Variants in FOXO1 observed in about 807,000 individuals in gnomAD.
The protein encoded by FOXO1 is forkhead box O1, also known as forkhead box protein O1.
Under a neutral mutation model 44.1 loss-of-function variants are expected in FOXO1, and 6 were observed. The observed-to-expected ratio is 0.14, with a 90% CI of 0.07 to 0.27. FOXO1 has a LOEUF of 0.27. Among genes scored for constraint, FOXO1 ranks in the 10% least tolerant of loss-of-function variants. FOXO1 has a pLI of 1.00. For missense variants in FOXO1, 737 were observed against 888.8 expected (o/e 0.83, Z 2.17); for synonymous variants, 380 against 362.7 (o/e 1.05, Z -0.54).
chr13:40,613,556 G>C, intron 1 of FOXO1, among the ~76,000 whole-genome samples: 1 of 152,146 alleles, frequency 6.6e-6, no homozygotes, highest in East Asian at 1.9e-4. Flanking sequence ...TGTTAATCTA[G>C]ATGGTAGTTT....
intron 1 of FOXO1, among the ~76,000 whole-genome samples, chr13:40,624,130 C>G (rs1017726628): frequency 6.6e-6 from 1 of 151,152 alleles, no homozygotes; most frequent in Non-Finnish European, 1.5e-5. Context: ...ATAAAAGACT[C>G]CTAATCTCTG....
chr13:40,579,915 T>C (rs981625386), intron 1 of FOXO1, among the ~76,000 whole-genome samples: 14 of 152,224 alleles, frequency 9.2e-5, no homozygotes, highest in African/African-American at 2.7e-4. Flanking sequence ...CTGAAACCTA[T>C]TGCACACTAT....
At chr13:40,568,859 G>T (rs1874371840) in intron 1 of FOXO1, among the ~76,000 whole-genome samples, 1 of 150,552 alleles carries the variant, frequency 6.6e-6, no homozygotes, top group South Asian at 2.1e-4. Context: ...AGGTCATCTG[G>T]TCTAACGCTC....
chr13:40,650,281 G>A (rs1437684816), intron 1 of FOXO1, among the ~76,000 whole-genome samples: 1 of 152,118 alleles, frequency 6.6e-6, no homozygotes, highest in Admixed American at 6.6e-5. Flanking sequence ...GTTTTAGCTG[G>A]CTTCTTTACT....
chr13:40,612,320 G>C (rs901092750), intron 1 of FOXO1, among the ~76,000 whole-genome samples: 1 of 152,090 alleles, frequency 6.6e-6, no homozygotes, highest in Non-Finnish European at 1.5e-5. Flanking sequence ...AAGCTCAAAT[G>C]GACAGAGCAC....
chr13:40,620,292 T>G lies in FOXO1; in HGVS notation c.630+45291A>C, dbSNP rs1165216009. The stretch of plus-strand genomic sequence containing the variant: ...AGGACAGTATTGCAAACAGAACTCA[T>G]CCAGAGTAGGGCTAACAGAACATAC... On this transcript the variant is annotated intron_variant, in intron 1 of 2. Coordinates refer to ENST00000379561, the MANE Select transcript of FOXO1 (RefSeq NM_002015.4). The G allele has an allele frequency of 2.9e-6, 3 of 1,052,082 alleles. No individual in the cohort carries two copies. The African/African-American group carries it at 4.7e-5, about 16-fold the overall frequency. 65.2% of individuals were successfully genotyped at this position (1,052,082 alleles called of 1,614,324 possible).
At position 40,558,747 on chromosome 13, in the gene FOXO1, A is replaced by C. The variant is rs1873855806; in HGVS notation, c.*302T>G. 2 of 398,634 alleles carry C rather than the reference A, an allele frequency of 5.0e-6. No individual in the cohort carries two copies. The highest frequency in any genetic ancestry group is 8.9e-6 in the Non-Finnish European group (2 of 225,918). 24.7% of individuals were successfully genotyped at this position (398,634 alleles called of 1,614,324 possible). On this transcript the variant is annotated 3_prime_UTR_variant, in exon 3 of 3. Coordinates refer to ENST00000379561, the MANE Select transcript of FOXO1 (RefSeq NM_002015.4). ...ACTTGAAAGCACACCAGGATCTGAA[A>C]ATCTTTTCTGCAATTATATGGTGTA...
chr13:40,632,835 C>T (rs904779162), intron 1 of FOXO1, among the ~76,000 whole-genome samples: 3 of 148,008 alleles, frequency 2.0e-5, no homozygotes, highest in Non-Finnish European at 3.0e-5. Flanking sequence ...ATCCCAGCTA[C>T]TTGGGAGGCT....
intron 1 of FOXO1, among the ~76,000 whole-genome samples, chr13:40,665,110 G>A (rs1006323294): frequency 2.6e-5 from 4 of 151,180 alleles, no homozygotes; most frequent in African/African-American, 9.7e-5. Flanking sequence ...TCCCGGGGCA[G>A]CGAGGCTCCG....
At chr13:40,561,881 A>G (rs1874037768) in intron 1 of FOXO1, among the ~76,000 whole-genome samples, 2 of 149,280 alleles carry the variant, frequency 1.3e-5, no homozygotes, top group African/African-American at 5.0e-5. Context: ...AGGCAGGAGA[A>G]GGAGACTGCG....
intron 1 of FOXO1, among the ~76,000 whole-genome samples, chr13:40,646,899 T>G (rs946324307): frequency 1.3e-5 from 2 of 152,076 alleles, no homozygotes; most frequent in African/African-American, 4.8e-5. Flanking sequence ...CGGCCTGAAC[T>G]TCGTAACAAT....
intron 1 of FOXO1, among the ~76,000 whole-genome samples, chr13:40,628,716 G>GT (rs1217204434): frequency 6.6e-6 from 1 of 152,158 alleles, no homozygotes; most frequent in Non-Finnish European, 1.5e-5. Flanking sequence ...CTGGTGGGAG[G>GT]TAACAATGGT....
chr13:40,619,012 C>T, intron 1 of FOXO1: 1 of 505,724 alleles, frequency 2.0e-6, no homozygotes, highest in South Asian at 1.5e-5. Flanking sequence ...ACTGGCCGGA[C>T]ACCGTGACTC....
chr13:40,661,588 C>T (rs574611614), intron 1 of FOXO1, among the ~76,000 whole-genome samples: 8 of 151,884 alleles, frequency 5.3e-5, no homozygotes, highest in Non-Finnish European at 1.0e-4. Context: ...TGCGCCACCA[C>T]GCCCAGCCTA....
chr13:40,656,956 G>A (rs9532576), intron 1 of FOXO1, among the ~76,000 whole-genome samples: 25,714 of 151,450 alleles, frequency 0.17, 2,519 homozygotes, highest in South Asian at 0.29. Flanking sequence ...TCAGCCTCCC[G>A]AGTAGCTGTG....
chr13:40,645,052 A>G (rs969002284), intron 1 of FOXO1, among the ~76,000 whole-genome samples: 1 of 152,232 alleles, frequency 6.6e-6, no homozygotes, highest in African/African-American at 2.4e-5. Context: ...AGCTGGTGAC[A>G]TGCACATCTA....
intron 1 of FOXO1, among the ~76,000 whole-genome samples, chr13:40,570,167 G>A (rs1029734096): frequency 6.6e-6 from 1 of 151,988 alleles, no homozygotes; most frequent in East Asian, 2.0e-4. Context: ...AAAATTGGCC[G>A]GGTGTGGTGG....
intron 1 of FOXO1, among the ~76,000 whole-genome samples, chr13:40,595,151 AG>A (rs1470051986): frequency 6.6e-6 from 1 of 152,214 alleles, no homozygotes; most frequent in Non-Finnish European, 1.5e-5. Context: ...AGCGATTAGG[AG>A]GTTTAATAAG....
intron 1 of FOXO1, among the ~76,000 whole-genome samples, chr13:40,647,974 T>TC (rs1877563275): frequency 6.6e-6 from 1 of 152,206 alleles, no homozygotes; most frequent in Non-Finnish European, 1.5e-5. Context: ...CTTTGTCTTT[T>TC]CCCCTTTATC....
Sources: gnomAD v4.1 joint callset for allele counts (sites outside exome capture counted in the v4.1 genomes callset) on GRCh38, gnomAD v4.1.1 for gene constraint, MANE v1.5 for transcripts, NCBI Gene and HGNC (gene_info 2026-07-23, HGNC 2026-07-21) for gene names.